The following GLIS3 variants were observed in gnomAD, a reference collection of about 807,000 sequenced individuals.
GLIS3 encodes the protein zinc finger protein GLIS3.
A neutral mutation model predicts 78.6 loss-of-function variants in GLIS3; 53 were observed. The ratio of observed to expected loss-of-function variants is 0.67; its 90% CI spans 0.54 to 0.85. The LOEUF is 0.85. GLIS3 is among the 40% of genes least tolerant of loss of function. GLIS3 has a pLI of 0.00. For synonymous variants in GLIS3, 684 were observed against 509.9 expected, an observed-to-expected ratio of 1.34 and a Z score of -4.60; for missense variants, 1,703 against 1,231.1, an observed-to-expected ratio of 1.38 and a Z score of -5.74.
chr9:3,857,687 AAT>A (rs1469503020), intron 8 of GLIS3, among the ~76,000 whole-genome samples: 1 of 152,176 alleles, frequency 6.6e-6, no homozygotes, highest in Non-Finnish European at 1.5e-5. Flanking sequence ...GCTGAAAGAG[AAT>A]AGTAAGTGAC....
intron 2 of GLIS3, among the ~76,000 whole-genome samples, chr9:4,255,991 G>A (rs1354444465): frequency 6.6e-6 from 1 of 152,080 alleles, no homozygotes; most frequent in Admixed American, 6.6e-5. Flanking sequence ...TGTACCTGTT[G>A]CTCAATTTTG....
At chr9:4,459,024 C>T in the GLIS3 span, among the ~76,000 whole-genome samples, 1 of 152,060 alleles carries the variant, frequency 6.6e-6, no homozygotes, top group African/African-American at 2.4e-5. Context: ...GGCTTTTACT[C>T]TGGGATGGCA....
chr9:4,255,957 T>C (rs764634920), intron 2 of GLIS3, among the ~76,000 whole-genome samples: 1 of 152,184 alleles, frequency 6.6e-6, no homozygotes, highest in Non-Finnish European at 1.5e-5. Flanking sequence ...TATATATGCG[T>C]GCAGGGAGTA....
chr9:4,094,742 T>A (rs1232396162), intron 4 of GLIS3, among the ~76,000 whole-genome samples: 1 of 152,174 alleles, frequency 6.6e-6, no homozygotes, highest in Non-Finnish European at 1.5e-5. Context: ...TTCCTAAAAT[T>A]AGGAGGTCTT....
At chr9:4,465,055 T>A in the GLIS3 span, among the ~76,000 whole-genome samples, 1 of 152,262 alleles carries the variant, frequency 6.6e-6, no homozygotes, top group African/African-American at 2.4e-5. Flanking sequence ...TCAGAAACTC[T>A]GCTTTATATT....
intron 4 of GLIS3, among the ~76,000 whole-genome samples, chr9:4,004,667 A>C (rs1426511439): frequency 6.6e-6 from 1 of 152,212 alleles, no homozygotes; most frequent in African/African-American, 2.4e-5. Flanking sequence ...TAGGGGATAC[A>C]ATGGAAATGG....
Position 3,958,366 on chromosome 9 carries a change from C to A in GLIS3, c.1711-21177G>T, listed in dbSNP as rs146330965. On this transcript the variant is annotated intron_variant, in intron 4 of 10. Transcript: ENST00000381971. ...AAGTTTCCTACATCGATTCTTTTTTCAAAAAAAGTCATGAATCATTAGAGT... is the reference window on the plus strand; with the variant it reads ...AAGTTTCCTACATCGATTCTTTTTTAAAAAAAAGTCATGAATCATTAGAGT... Among the ~76,000 whole-genome samples the A allele has an allele frequency of 5.3e-5, 8 of 151,474 alleles. No individual in the cohort carries two copies. In the East Asian group the frequency reaches 1.4e-3, roughly 26 times the overall value.
At chr9:3,865,602 A>C (rs561528811) in intron 8 of GLIS3, among the ~76,000 whole-genome samples, 46 of 152,342 alleles carry the variant, frequency 3.0e-4, no homozygotes, top group Admixed American at 1.9e-3. Flanking sequence ...ATGCTATTGT[A>C]ATAAAGTAGA....
intron 6 of GLIS3, among the ~76,000 whole-genome samples, chr9:3,929,851 C>A (rs1825504025): frequency 6.6e-6 from 1 of 152,010 alleles, no homozygotes; most frequent in African/African-American, 2.4e-5. Context: ...CGTAAATAAT[C>A]TTAATTCTGC....
intron 4 of GLIS3, among the ~76,000 whole-genome samples, chr9:3,971,487 A>G (rs1452186070): frequency 6.6e-6 from 1 of 152,172 alleles, no homozygotes; most frequent in Non-Finnish European, 1.5e-5. Context: ...GGGGGAAACT[A>G]ATAACAGGTT....
At chr9:4,466,051 A>G in the GLIS3 span, among the ~76,000 whole-genome samples, 1 of 152,182 alleles carries the variant, frequency 6.6e-6, no homozygotes, top group Non-Finnish European at 1.5e-5. Context: ...AAAATTCACA[A>G]ACTTCTACCA....
intron 2 of GLIS3, among the ~76,000 whole-genome samples, chr9:4,196,218 C>T (rs1323024969): frequency 4.0e-5 from 6 of 151,842 alleles, no homozygotes; most frequent in African/African-American, 1.5e-4. Flanking sequence ...AATCAGCACT[C>T]TGTATCTAGC....
chr9:3,854,990 G>A (rs1430092662), intron 9 of GLIS3, among the ~76,000 whole-genome samples: 1 of 152,190 alleles, frequency 6.6e-6, no homozygotes, highest in East Asian at 1.9e-4. Flanking sequence ...CTCATACAGA[G>A]AAAATTCAGG....
intron 4 of GLIS3, among the ~76,000 whole-genome samples, chr9:4,014,393 C>T (rs1822275036): frequency 1.3e-5 from 2 of 152,080 alleles, no homozygotes; most frequent in Admixed American, 1.3e-4. Context: ...AGAGTCTCTG[C>T]AGATGTAATC....
At chr9:3,953,799 A>C (rs13300583) in intron 4 of GLIS3, among the ~76,000 whole-genome samples, 4,998 of 28,484 alleles carry the variant, frequency 0.18, 89 homozygotes, top group Non-Finnish European at 0.21. Flanking sequence ...CTCTCTCTAT[A>C]TATATATATA....
chr9:4,172,014 A>G (rs1328049428), intron 2 of GLIS3, among the ~76,000 whole-genome samples: 1 of 152,174 alleles, frequency 6.6e-6, no homozygotes, highest in Non-Finnish European at 1.5e-5. Flanking sequence ...TAATTCCAAC[A>G]ATTAACATAT....
At chr9:4,114,447 T>A (rs1831471447) in intron 4 of GLIS3, among the ~76,000 whole-genome samples, 2 of 152,170 alleles carry the variant, frequency 1.3e-5, no homozygotes, top group Non-Finnish European at 2.9e-5. Flanking sequence ...CTCCATGACT[T>A]GTTCTGACCT....
the GLIS3 span, among the ~76,000 whole-genome samples, chr9:4,405,354 TA>T: frequency 9.0e-3 from 1,186 of 132,068 alleles, 16 homozygotes; most frequent in African/African-American, 0.03. Context: ...AACTCCATCT[TA>T]AAAAAAAAAG....
At chr9:4,192,434 G>A in intron 2 of GLIS3, among the ~76,000 whole-genome samples, 1 of 152,174 alleles carries the variant, frequency 6.6e-6, no homozygotes, top group Non-Finnish European at 1.5e-5. Context: ...ATCTTTATAT[G>A]GGAAAACATG....
Sources: allele counts gnomAD v4.1 joint callset (sites outside exome capture counted in the v4.1 genomes callset), GRCh38; gene constraint gnomAD v4.1.1; transcripts MANE v1.5; gene names NCBI Gene and HGNC (gene_info 2026-07-23, HGNC 2026-07-21).